Variants in CTNNA2 observed in about 807,000 individuals in gnomAD.
CTNNA2 encodes the protein catenin alpha-2.
In CTNNA2, 42 loss-of-function variants were observed where a neutral mutation model predicts 101.0. The observed-to-expected ratio is 0.42, with a 90% CI of 0.32 to 0.54. The LOEUF (loss-of-function observed/expected upper bound fraction) is 0.54, where lower values mean the gene tolerates loss of function less well. Ranked by LOEUF, CTNNA2 falls within the 20% of genes least tolerant of loss-of-function variation. The pLI, the probability that CTNNA2 is intolerant of heterozygous loss-of-function variation, is 0.14. For synonymous variants in CTNNA2, 450 were observed against 456.4 expected (o/e 0.99, Z 0.18); for missense variants, 871 against 1,223.1 (o/e 0.71, Z 4.29).
At chr2:79,828,273 A>G (rs1678597178) in intron 3 of CTNNA2, among the ~76,000 whole-genome samples, 1 of 152,254 alleles carries the variant, frequency 6.6e-6, no homozygotes, top group African/African-American at 2.4e-5. Context: ...AGATTGCCTA[A>G]TGTCATATTT....
In CTNNA2 at chr2:79,375,329, T is replaced by C. The variant is rs113270612; in HGVS notation, c.-135+1316T>C. Among the ~76,000 whole-genome samples, 376 of 152,308 alleles carry C rather than the reference T, an allele frequency of 2.5e-3. 3 individuals are homozygous for C. The highest frequency in any genetic ancestry group is 8.5e-3 in the African/African-American group (352 of 41,570). ...CTACCTTGTAAGCTTTTTGTAAGAA[T>C]TGCAGTAAATAAGTGAAAATATTTC... On this transcript the variant is annotated intron_variant, in intron 4 of 21. Coordinates refer to the CTNNA2 transcript ENST00000466387.
At chr2:79,860,381 T>A (rs1681497510) in intron 4 of CTNNA2, among the ~76,000 whole-genome samples, 1 of 152,010 alleles carries the variant, frequency 6.6e-6, no homozygotes, top group South Asian at 2.1e-4. Context: ...TCGAGAAGTG[T>A]GATAAATCCA....
At chr2:79,815,591 G>C (rs572760154) in intron 3 of CTNNA2, among the ~76,000 whole-genome samples, 1 of 152,138 alleles carries the variant, frequency 6.6e-6, no homozygotes, top group East Asian at 1.9e-4. Context: ...TTTATTTCTG[G>C]GTTCTCTATT....
intron 3 of CTNNA2, among the ~76,000 whole-genome samples, chr2:79,744,856 C>T (rs530645872): frequency 3.9e-5 from 6 of 152,202 alleles, no homozygotes; most frequent in African/African-American, 1.4e-4. Flanking sequence ...TTGTGTCAAA[C>T]TCAGGCTTTA....
At chr2:79,359,530 T>C (rs577973087) in intron 3 of CTNNA2, among the ~76,000 whole-genome samples, 3 of 152,274 alleles carry the variant, frequency 2.0e-5, no homozygotes, top group South Asian at 4.1e-4. Context: ...GTAACATTTA[T>C]AGATCAACCG....
chr2:79,201,213 CAATA>C (rs899319794), intron 2 of CTNNA2, among the ~76,000 whole-genome samples: 3 of 151,664 alleles, frequency 2.0e-5, no homozygotes, highest in African/African-American at 7.3e-5. Flanking sequence ...AAGACTGAAA[CAATA>C]AAAACAGAAA....
chr2:79,215,151 G>A lies in CTNNA2; in HGVS notation c.-406+17075G>A, dbSNP rs1293184100. On this transcript the variant is annotated intron_variant, in intron 2 of 21. Transcript: ENST00000466387. ...TGGGCCAGAGTTCCAGGGGCTCTGG[G>A]AGTGGCTGCCAGGTGAGTTGAACAG... Among the ~76,000 whole-genome samples the A allele has an allele frequency of 5.3e-5, 8 of 152,298 alleles. 1 individual carries two copies. The South Asian group carries it at 1.7e-3, about 32-fold the overall frequency.
At chr2:79,489,957 A>C (rs1195291385) in intron 4 of CTNNA2, among the ~76,000 whole-genome samples, 1 of 151,812 alleles carries the variant, frequency 6.6e-6, no homozygotes, top group Non-Finnish European at 1.5e-5. Context: ...TGTCACTGTA[A>C]TTTTCAGTTT....
chr2:80,035,069 T>G (rs1695561491), intron 7 of CTNNA2, among the ~76,000 whole-genome samples: 1 of 152,158 alleles, frequency 6.6e-6, no homozygotes, highest in Non-Finnish European at 1.5e-5. Flanking sequence ...GTATGGTCCA[T>G]CCATACAAAT....
At chr2:80,512,238 T>C (rs547793215) in intron 9 of CTNNA2, among the ~76,000 whole-genome samples, 16 of 151,678 alleles carry the variant, frequency 1.1e-4, no homozygotes, top group Middle Eastern at 3.5e-3. Context: ...TTAGATAATG[T>C]AGATGTTTTA....
chr2:80,569,120 A>T (rs145451337), intron 12 of CTNNA2, among the ~76,000 whole-genome samples: 2 of 152,096 alleles, frequency 1.3e-5, no homozygotes, highest in Admixed American at 1.3e-4. Context: ...ACAACTTCTC[A>T]TTCATTTAAC....
intron 1 of CTNNA2, among the ~76,000 whole-genome samples, chr2:79,582,573 G>T (rs1244157876): frequency 6.6e-6 from 1 of 152,096 alleles, no homozygotes; most frequent in Non-Finnish European, 1.5e-5. Context: ...GAAATGAAAA[G>T]TAATTTCTCC....
At chr2:79,234,466 A>T (rs1445612662) in intron 2 of CTNNA2, among the ~76,000 whole-genome samples, 5 of 151,766 alleles carry the variant, frequency 3.3e-5, no homozygotes, top group African/African-American at 4.8e-5. Flanking sequence ...TGCCTTGAAG[A>T]TTTTTTCTTT....
intron 3 of CTNNA2, among the ~76,000 whole-genome samples, chr2:79,315,465 C>T (rs1676474790): frequency 6.6e-6 from 1 of 152,072 alleles, no homozygotes; most frequent in South Asian, 2.1e-4. Context: ...TATGCATTTG[C>T]CCAGTTAAGA....
intron 7 of CTNNA2, among the ~76,000 whole-genome samples, chr2:80,321,030 A>G (rs1489233445): frequency 6.6e-6 from 1 of 152,242 alleles, no homozygotes; most frequent in Non-Finnish European, 1.5e-5. Flanking sequence ...GTTTATTCAC[A>G]TAATCAAATA....
At chr2:79,540,176 A>T (rs1472156386) in intron 1 of CTNNA2, among the ~76,000 whole-genome samples, 2 of 152,148 alleles carry the variant, frequency 1.3e-5, no homozygotes, top group Admixed American at 1.3e-4. Flanking sequence ...AAGGATCCAA[A>T]GGGGGCAGTT....
intron 3 of CTNNA2, among the ~76,000 whole-genome samples, chr2:79,856,705 A>G (rs1429811179): frequency 6.6e-6 from 1 of 152,148 alleles, no homozygotes; most frequent in African/African-American, 2.4e-5. Flanking sequence ...ATGCAAATAT[A>G]TACCTGACTC....
chr2:80,142,617 G>C lies in CTNNA2; in HGVS notation c.1056+232820G>C, dbSNP rs116530530. 3.3e-3 allele frequency among the ~76,000 whole-genome samples: 504 copies of C among 152,282 alleles called. 3 individuals are homozygous for C. The highest frequency in any genetic ancestry group is 0.012 in the African/African-American group (479 of 41,570). On this transcript the variant is annotated intron_variant, in intron 7 of 18. Coordinates refer to ENST00000402739, the MANE Select transcript of CTNNA2 (RefSeq NM_001282597.3). ...TGTGTAGCTGAGATATTTTCCCAAA[G>C]TTCCACAATGCATATGAGCAATGAG...
intron 7 of CTNNA2, among the ~76,000 whole-genome samples, chr2:80,281,113 T>C (rs1674345915): frequency 6.6e-6 from 1 of 152,132 alleles, no homozygotes; most frequent in Non-Finnish European, 1.5e-5. Context: ...TTGGTTTCAT[T>C]GATCTGAAGG....
Sources: allele counts gnomAD v4.1 joint callset (sites outside exome capture counted in the v4.1 genomes callset), GRCh38; gene constraint gnomAD v4.1.1; transcripts MANE v1.5; gene names NCBI Gene and HGNC (gene_info 2026-07-23, HGNC 2026-07-21).